CCDC92B: variants seen among roughly 807,000 people sequenced by gnomAD.
The protein encoded by CCDC92B is coiled-coil domain-containing 92B.
Under a neutral mutation model 5.6 loss-of-function variants are expected in CCDC92B, and 2 were observed. The ratio of observed to expected loss-of-function variants is 0.36; its 90% confidence interval spans 0.15 to 1.12. The LOEUF is 1.12. Ranked by LOEUF, CCDC92B falls within the 50% of genes most tolerant of loss-of-function variation. The probability of loss-of-function intolerance (pLI) is 0.40; values close to 1 mark genes in which losing one functional copy is unlikely to be tolerated. For synonymous variants in CCDC92B, 115 were observed against 122.3 expected, an observed-to-expected ratio of 0.94 and a Z score of 0.39; for missense variants, 271 against 262.2, an observed-to-expected ratio of 1.03 and a Z score of -0.23.
intron 2 of CCDC92B, among the ~76,000 whole-genome samples, chr17:2,731,128 G>A (rs2070791230): frequency 6.6e-6 from 1 of 152,192 alleles, no homozygotes; most frequent in South Asian, 2.1e-4. Context: ...GGACGGTGCG[G>A]TCTATTGATG....
intron 1 of CCDC92B, among the ~76,000 whole-genome samples, chr17:2,743,196 G>A (rs11654129): frequency 0.31 from 47,057 of 152,142 alleles, 8,274 homozygotes; most frequent in Non-Finnish European, 0.39. Context: ...TTGGGAGGCC[G>A]AGGCGGGAGG....
At chr17:2,726,982 G>A (rs1233024320) in intron 3 of CCDC92B, among the ~76,000 whole-genome samples, 2 of 148,856 alleles carry the variant, frequency 1.3e-5, no homozygotes, top group African/African-American at 5.0e-5. Context: ...ATAGCTCACT[G>A]CAGCCTCTAT....
chr17:2,728,706 G>C (rs967736552), intron 3 of CCDC92B, among the ~76,000 whole-genome samples: 1 of 152,206 alleles, frequency 6.6e-6, no homozygotes, highest in African/African-American at 2.4e-5. Flanking sequence ...GACAGTAAGT[G>C]GGGTGAAAGT....
intron 3 of CCDC92B, among the ~76,000 whole-genome samples, chr17:2,730,156 G>C (rs1597236163): frequency 6.6e-6 from 1 of 152,138 alleles, no homozygotes; most frequent in African/African-American, 2.4e-5. Context: ...TACTATGTGT[G>C]GTGGTGCAGG....
At chr17:2,746,837 A>G (rs1317800563) in intron 1 of CCDC92B, among the ~76,000 whole-genome samples, 1 of 151,732 alleles carries the variant, frequency 6.6e-6, no homozygotes, top group Admixed American at 6.6e-5. Flanking sequence ...ACACCCAGCT[A>G]TTTTTTGTAT....
At chr17:2,741,881 C>T (rs112112515) in intron 1 of CCDC92B, among the ~76,000 whole-genome samples, 23 of 150,298 alleles carry the variant, frequency 1.5e-4, no homozygotes, top group African/African-American at 5.4e-4. Flanking sequence ...CGTGAGCCAC[C>T]GCGCCCGGCC....
chr17:2,727,838 C>A (rs1450540334), intron 3 of CCDC92B, among the ~76,000 whole-genome samples: 2 of 134,626 alleles, frequency 1.5e-5, no homozygotes. Context: ...AAAAAAAAAA[C>A]GAAAGAGGAC....
At position 2,724,635 on chromosome 17, in the gene CCDC92B, C is replaced by T; in HGVS notation, c.544G>A (p.Ala182Thr). ...RARRPPAAHE[A>T]AAKGPGRDWA... The stretch of plus-strand genomic sequence containing the variant: ...TCCCGGCCGGGGCCCTTGGCGGCGG[C>T]CTCGTGGGCAGCAGGCGGGCGGCGG... The change falls in exon 4 of 4, where the codon GCC becomes ACC. Residue 182 changes from alanine to threonine, a missense_variant. Coordinates refer to ENST00000614400, the MANE Select transcript of CCDC92B (RefSeq NM_001355573.2). The surrounding 1 kb of genome is among the most constrained non-coding windows in gnomAD (Gnocchi z 5.0). The T allele has an allele frequency of 2.0e-6, 2 of 981,676 alleles. No individual in the cohort carries two copies. The highest frequency in any genetic ancestry group is 1.8e-5 in the African/African-American group (1 of 56,878). The allele number at this position is 981,676 out of a possible 1,614,324, so 60.8% of individuals were successfully genotyped here.
intron 2 of CCDC92B, among the ~76,000 whole-genome samples, chr17:2,733,447 C>T (rs1005661791): frequency 1.8e-4 from 28 of 151,944 alleles, no homozygotes; most frequent in African/African-American, 3.4e-4. Flanking sequence ...TTAGTAGAGA[C>T]GGGGTTTCTC....
chr17:2,725,255 C>T (rs2070714285), intron 3 of CCDC92B, among the ~76,000 whole-genome samples: 1 of 151,742 alleles, frequency 6.6e-6, no homozygotes, highest in Admixed American at 6.6e-5. Flanking sequence ...TGGTGGTGGG[C>T]GCCTGTAATC....
intron 2 of CCDC92B, among the ~76,000 whole-genome samples, chr17:2,734,611 T>C (rs2070837366): frequency 6.6e-6 from 1 of 151,874 alleles, no homozygotes; most frequent in Non-Finnish European, 1.5e-5. Flanking sequence ...TGCCTCAGCC[T>C]CCCAAGTAGC....
intron 1 of CCDC92B, among the ~76,000 whole-genome samples, chr17:2,739,207 A>G (rs1292183429): frequency 6.7e-6 from 1 of 149,998 alleles, no homozygotes; most frequent in Non-Finnish European, 1.5e-5. Flanking sequence ...CTCTACTAAA[A>G]ATACAAAAAA....
At chr17:2,728,621 AAAC>A (rs1403808522) in intron 3 of CCDC92B, among the ~76,000 whole-genome samples, 1 of 152,160 alleles carries the variant, frequency 6.6e-6, no homozygotes, top group Non-Finnish European at 1.5e-5. Context: ...AAAACAAAAA[AAAC>A]AAAAAGATGA....
At chr17:2,735,877 C>T (rs1597240651) in intron 1 of CCDC92B, among the ~76,000 whole-genome samples, 1 of 152,154 alleles carries the variant, frequency 6.6e-6, no homozygotes, top group Admixed American at 6.6e-5. Context: ...TGTGGGCTCT[C>T]AAGTTTCTCA....
At chr17:2,737,413 C>A (rs959698500) in intron 1 of CCDC92B, among the ~76,000 whole-genome samples, 1 of 151,226 alleles carries the variant, frequency 6.6e-6, no homozygotes, top group African/African-American at 2.4e-5. Flanking sequence ...TCTCTCTGGG[C>A]CCCTTTCTCT....
At chr17:2,737,319 G>T (rs1006823298) in intron 1 of CCDC92B, among the ~76,000 whole-genome samples, 3 of 151,998 alleles carry the variant, frequency 2.0e-5, no homozygotes, top group Non-Finnish European at 4.4e-5. Context: ...TAGCTTACAT[G>T]TAAGACTCAG....
In CCDC92B at chr17:2,729,443, G is replaced by A. The variant is rs368524146; in HGVS notation, c.178+1003C>T. ...CGGGAGGTGGAGGTTGCAGTGAGCCGAGATCGTGCCACTGCACTCCAGCCT... is the reference window on the plus strand; with the variant it reads ...CGGGAGGTGGAGGTTGCAGTGAGCCAAGATCGTGCCACTGCACTCCAGCCT... On this transcript the variant is annotated intron_variant, in intron 3 of 3. Transcript: ENST00000614400. Among the ~76,000 whole-genome samples the A allele has an allele frequency of 7.5e-5, 11 of 146,746 alleles. No homozygotes were observed. In the South Asian group the frequency reaches 8.5e-4, roughly 11 times the overall value.
intron 1 of CCDC92B, chr17:2,748,006 GT>G: frequency 2.4e-6 from 1 of 417,354 alleles, no homozygotes. Flanking sequence ...AGGTAAAGTA[GT>G]TTGCTCAGTA....
chr17:2,743,939 G>A (rs1280814059), intron 1 of CCDC92B, among the ~76,000 whole-genome samples: 3 of 151,606 alleles, frequency 2.0e-5, no homozygotes, highest in Admixed American at 1.3e-4. Flanking sequence ...GTGCAATGGC[G>A]CGATCTCAGC....
Sources: allele counts gnomAD v4.1 joint callset (sites outside exome capture counted in the v4.1 genomes callset), GRCh38; gene constraint gnomAD v4.1.1; non-coding constraint Gnocchi (gnomAD v3.1); transcripts MANE v1.5; gene names NCBI Gene and HGNC (gene_info 2026-07-23, HGNC 2026-07-21).